Variants in UBAP2 observed in about 807,000 individuals in gnomAD.
UBAP2 encodes the protein ubiquitin associated protein 2.
Under a neutral mutation model 139.6 loss-of-function variants are expected in UBAP2, and 75 were observed. That is an observed-to-expected ratio of 0.54 (90% CI 0.45 to 0.65). The LOEUF (loss-of-function observed/expected upper bound fraction) is 0.65. UBAP2 is among the 30% of genes least tolerant of loss of function. The probability of loss-of-function intolerance (pLI) is 0.00; values close to 1 mark genes in which losing one functional copy is unlikely to be tolerated. For synonymous variants in UBAP2, 526 were observed against 526.2 expected (o/e 1.00, Z 0.01); for missense variants, 1,368 against 1,369.6 (o/e 1.00, Z 0.02).
intron 8 of UBAP2, among the ~76,000 whole-genome samples, chr9:33,970,114 T>G (rs1274010774): frequency 6.6e-6 from 1 of 150,640 alleles, no homozygotes; most frequent in African/African-American, 2.4e-5. Context: ...ATTTTTTTTT[T>G]GCAGAGACGG....
chr9:33,929,960 T>C (rs1009560167), intron 19 of UBAP2, among the ~76,000 whole-genome samples: 1 of 152,090 alleles, frequency 6.6e-6, no homozygotes, highest in African/African-American at 2.4e-5. Flanking sequence ...GCTGAGATCA[T>C]GCCATTGCAC....
At chr9:33,970,068 C>T (rs1427075596) in intron 8 of UBAP2, among the ~76,000 whole-genome samples, 5 of 149,968 alleles carry the variant, frequency 3.3e-5, no homozygotes, top group East Asian at 4.1e-4. Flanking sequence ...TAGCTGAGAC[C>T]ACAGGCATAT....
chr9:33,993,545 G>A (rs781314673), intron 4 of UBAP2, among the ~76,000 whole-genome samples: 1 of 152,154 alleles, frequency 6.6e-6, no homozygotes, highest in Admixed American at 6.6e-5. Flanking sequence ...AGTGGCATGC[G>A]CCTGTGGTCC....
chr9:33,984,508 A>ATTT (rs35777214), intron 6 of UBAP2, among the ~76,000 whole-genome samples: 11 of 149,392 alleles, frequency 7.4e-5, no homozygotes, highest in African/African-American at 2.2e-4. Context: ...TAAAAAAAAA[A>ATTT]TTTTTTTTTT....
Position 33,923,276 on chromosome 9 carries a change from G to A in UBAP2, c.2914C>T (p.Gln972Ter). 6.2e-7 allele frequency: 1 copy of A among 1,614,200 alleles called. No homozygotes were observed. Among genetic ancestry groups the A allele is most frequent in the East Asian group, 2.2e-5 (1 of 44,878 alleles). Residue 972 changes from glutamine to a stop codon, truncating the protein, a stop_gained, in exon 26 of 29, where the codon CAG (glutamine) becomes TAG (stop). Transcript: ENST00000379238. LOFTEE classifies it high-confidence loss of function. The part of the protein sequence containing the change: ...GYSTGYDDLT[Q>*]GTAAGDYSKG... ...GAGTAGTCTCCTGCTGCTGTCCCCT[G>A]GGTCAGGTCGTCATAACCTAGCGTG...
chr9:34,025,895 T>C lies in UBAP2; in HGVS notation c.-41-8706A>G, dbSNP rs554690049. Among the ~76,000 whole-genome samples, 41 of 152,312 alleles carry C rather than the reference T, an allele frequency of 2.7e-4. No individual in the cohort carries two copies. The Middle Eastern group carries it at 0.01, about 38-fold the overall frequency. Reference sequence around the variant, plus strand: ...ATGCCCGGTTTAACTGCTGTTTTTTTCAAGGACCTTTCTGAAGATAAGATA... The same window carrying C: ...ATGCCCGGTTTAACTGCTGTTTTTTCCAAGGACCTTTCTGAAGATAAGATA... On this transcript the variant is annotated intron_variant, in intron 1 of 28. Coordinates refer to ENST00000379238, the MANE Select transcript of UBAP2 (RefSeq NM_001370062.2).
chr9:33,987,753 T>C (rs1291703039), intron 5 of UBAP2, among the ~76,000 whole-genome samples: 1 of 152,244 alleles, frequency 6.6e-6, no homozygotes, highest in Non-Finnish European at 1.5e-5. Context: ...CTACTTCCAT[T>C]ATGCAACTAC....
chr9:34,009,245 C>T lies in UBAP2; in HGVS notation c.99+7805G>A, dbSNP rs149718083. ...CTTCAAGTAGCTGGGATTACAGGTG[C>T]ACACCACCACGGCCAGCTAATTTTT... On this transcript the variant is annotated intron_variant, in intron 2 of 28. Coordinates refer to ENST00000379238, the MANE Select transcript of UBAP2 (RefSeq NM_001370062.2). Among the ~76,000 whole-genome samples, 16 of 151,762 alleles carry T rather than the reference C, an allele frequency of 1.1e-4. No homozygotes were observed. In the East Asian group the frequency reaches 3.1e-3, roughly 30 times the overall value.
At chr9:34,008,299 C>T (rs965380323) in intron 2 of UBAP2, among the ~76,000 whole-genome samples, 7 of 120,628 alleles carry the variant, frequency 5.8e-5, no homozygotes, top group African/African-American at 2.3e-4. Flanking sequence ...GCGTGGGCAA[C>T]AAGAGCGAAA....
intron 1 of UBAP2, among the ~76,000 whole-genome samples, chr9:34,042,895 G>C (rs1394485986): frequency 1.3e-5 from 2 of 151,944 alleles, no homozygotes; most frequent in Non-Finnish European, 2.9e-5. Context: ...AACATAGCAA[G>C]ACTCCTCTCT....
chr9:33,944,733 A>G (rs990433704), intron 13 of UBAP2, 94 bp from the exon 14 acceptor site: 4 of 1,396,170 alleles, frequency 2.9e-6, no homozygotes, highest in Non-Finnish European at 3.9e-6. Context: ...ATTTCTCCAA[A>G]TCATTTCCAG....
intron 17 of UBAP2, chr9:33,934,470 G>A (rs922305433): frequency 1.9e-5 from 3 of 155,730 alleles, no homozygotes; most frequent in Non-Finnish European, 1.5e-5. Context: ...CATAAGCAAT[G>A]AAAGGGTCAA....
At chr9:33,942,408 G>A (rs1240942730) in intron 15 of UBAP2, among the ~76,000 whole-genome samples, 1 of 148,406 alleles carries the variant, frequency 6.7e-6, no homozygotes, top group East Asian at 1.9e-4. Context: ...TTTTGCCTCT[G>A]GAATGTGAAA....
intron 1 of UBAP2, among the ~76,000 whole-genome samples, chr9:34,024,025 C>A (rs1473936496): frequency 6.7e-6 from 1 of 149,974 alleles, no homozygotes; most frequent in African/African-American, 2.5e-5. Flanking sequence ...GTCCGGGTGA[C>A]AGAGCAAGAC....
At chr9:33,999,420 G>A (rs75690209) in intron 2 of UBAP2, among the ~76,000 whole-genome samples, 139 of 152,068 alleles carry the variant, frequency 9.1e-4, no homozygotes, top group African/African-American at 3.3e-3. Flanking sequence ...GCAAACAACT[G>A]CCCAGACACA....
chr9:34,033,058 A>G (rs1826025540), intron 1 of UBAP2, among the ~76,000 whole-genome samples: 1 of 152,192 alleles, frequency 6.6e-6, no homozygotes, highest in Non-Finnish European at 1.5e-5. Flanking sequence ...AACAATTTGG[A>G]GGTTCTGGAA....
intron 4 of UBAP2, among the ~76,000 whole-genome samples, chr9:33,992,245 G>A (rs189138712): frequency 4.2e-4 from 64 of 151,926 alleles, no homozygotes; most frequent in South Asian, 1.0e-3. Flanking sequence ...AAAATTAGCC[G>A]GGCGTGGTGG....
chr9:34,012,601 T>A lies in UBAP2; in HGVS notation c.99+4449A>T, dbSNP rs374889208. ...GGTCTGTAGATGTTCTGATTTTTTA[T>A]AATTGTACTGTAATTATGTAAAAAG... is the stretch of plus-strand genomic sequence containing the variant. On this transcript the variant is annotated intron_variant, in intron 2 of 28. Transcript: ENST00000379238. Among the ~76,000 whole-genome samples, 32 of 151,954 alleles carry A rather than the reference T, an allele frequency of 2.1e-4. No homozygotes were observed. The South Asian group carries it at 6.6e-3, about 31-fold the overall frequency.
chr9:33,956,360 C>A (rs1027691422), intron 10 of UBAP2, among the ~76,000 whole-genome samples: 1 of 150,844 alleles, frequency 6.6e-6, no homozygotes, highest in Non-Finnish European at 1.5e-5. Context: ...GCGCTGTTGC[C>A]CAGGAAGGAG....
Sources: gnomAD v4.1 joint callset for allele counts (sites outside exome capture counted in the v4.1 genomes callset) on GRCh38, gnomAD v4.1.1 for gene constraint, MANE v1.5 for transcripts, NCBI Gene and HGNC (gene_info 2026-07-23, HGNC 2026-07-21) for gene names.